Variants in RGS7 observed in about 807,000 individuals in gnomAD.
RGS7 encodes regulator of G-protein signaling 7.
Under a neutral mutation model 81.1 loss-of-function variants are expected in RGS7, and 27 were observed. The ratio of observed to expected loss-of-function variants is 0.33; its 90% CI spans 0.25 to 0.46. The LOEUF (loss-of-function observed/expected upper bound fraction) is 0.46. RGS7 is among the 20% of genes least tolerant of loss of function. RGS7 has a pLI of 1.00. For missense variants in RGS7, 396 were observed against 607.4 expected (o/e 0.65, Z 3.66); for synonymous variants, 208 against 207.7 (o/e 1.00, Z -0.01).
chr1:241,171,509 G>A (rs1051025045), intron 2 of RGS7, among the ~76,000 whole-genome samples: 9 of 152,064 alleles, frequency 5.9e-5, no homozygotes, highest in East Asian at 1.9e-4. Flanking sequence ...TATGACCCAC[G>A]TTTCATAAAA....
intron 6 of RGS7, among the ~76,000 whole-genome samples, chr1:240,872,941 T>G (rs1283312531): frequency 6.6e-6 from 1 of 152,004 alleles, no homozygotes; most frequent in Non-Finnish European, 1.5e-5. Context: ...TAGCCAAGCA[T>G]GGTGGCAGGC....
chr1:240,798,206 T>C (rs1687394372), intron 18 of RGS7, among the ~76,000 whole-genome samples: 1 of 152,160 alleles, frequency 6.6e-6, no homozygotes, highest in Non-Finnish European at 1.5e-5. Flanking sequence ...GAGTCTATAT[T>C]TTTTGGAAAA....
intron 3 of RGS7, among the ~76,000 whole-genome samples, chr1:241,032,425 G>A (rs192897859): frequency 2.3e-4 from 35 of 152,228 alleles, no homozygotes; most frequent in Admixed American, 1.3e-3. Flanking sequence ...CTCCAGCTTT[G>A]TTCTTTTTGC....
At chr1:241,065,171 AATG>A (rs1028472770) in intron 3 of RGS7, among the ~76,000 whole-genome samples, 5 of 149,210 alleles carry the variant, frequency 3.4e-5, no homozygotes, top group East Asian at 1.9e-4. Context: ...AGCAAAAAAT[AATG>A]ATAAGATAAT....
intron 6 of RGS7, among the ~76,000 whole-genome samples, chr1:240,882,700 G>T (rs1229722517): frequency 6.6e-6 from 1 of 151,992 alleles, no homozygotes; most frequent in Non-Finnish European, 1.5e-5. Flanking sequence ...ATTTTTCTTG[G>T]GGTCCATTTT....
chr1:241,248,411 T>C (rs376946043), intron 2 of RGS7, among the ~76,000 whole-genome samples: 29 of 148,194 alleles, frequency 2.0e-4, no homozygotes, highest in African/African-American at 5.2e-4. Context: ...TATATATATA[T>C]ACATATATAT....
At chr1:241,334,146 T>C (rs1017522157) in intron 2 of RGS7, among the ~76,000 whole-genome samples, 4 of 152,110 alleles carry the variant, frequency 2.6e-5, no homozygotes, top group Non-Finnish European at 5.9e-5. Flanking sequence ...ATATTAAAAC[T>C]CTACCTAGGA....
intron 2 of RGS7, among the ~76,000 whole-genome samples, chr1:241,254,169 A>T (rs972757953): frequency 6.7e-6 from 1 of 149,692 alleles, no homozygotes; most frequent in South Asian, 2.1e-4. Context: ...CACTGCACCC[A>T]GCCTGGGCAA....
At chr1:240,847,884 T>A (rs1659384034) in intron 9 of RGS7, among the ~76,000 whole-genome samples, 1 of 152,176 alleles carries the variant, frequency 6.6e-6, no homozygotes, top group African/African-American at 2.4e-5. Flanking sequence ...AAGTAGGGTT[T>A]ATTTATTCTG....
chr1:241,147,099 TTTTAATAA>T (rs1305819945), intron 2 of RGS7, among the ~76,000 whole-genome samples: 8 of 152,164 alleles, frequency 5.3e-5, no homozygotes, highest in African/African-American at 4.8e-5. Flanking sequence ...TCCCTGGTGT[TTTTAATAA>T]TCACCTCCAG....
intron 2 of RGS7, among the ~76,000 whole-genome samples, chr1:241,190,164 A>G (rs187493397): frequency 1.3e-5 from 2 of 152,258 alleles, no homozygotes; most frequent in East Asian, 3.9e-4. Flanking sequence ...ATTGTGTTCC[A>G]AACTATCTAT....
chr1:240,844,422 A>G (rs1309305322), intron 9 of RGS7, among the ~76,000 whole-genome samples: 1 of 152,190 alleles, frequency 6.6e-6, no homozygotes, highest in Admixed American at 6.5e-5. Flanking sequence ...CCCAACCCCT[A>G]TCCACATCCT....
chr1:241,068,074 C>G (rs115773049), intron 3 of RGS7, among the ~76,000 whole-genome samples: 3,628 of 150,806 alleles, frequency 0.024, 135 homozygotes, highest in African/African-American at 0.071. Flanking sequence ...GCGACTGAAA[C>G]ACATGAGTTT....
At position 241,349,625 on chromosome 1, in the gene RGS7, A is replaced by G. The variant is rs545245595; in HGVS notation, c.78+6074T>C. On this transcript the variant is annotated intron_variant, in intron 2 of 18. Coordinates refer to ENST00000440928, the MANE Select transcript of RGS7 (RefSeq NM_001364886.1). ...TGGCTGTGGGCAAATGGCAGAAAGA[A>G]GTGGGCCTTTGTTTCCTACGGAACT... Among the ~76,000 whole-genome samples the G allele has an allele frequency of 5.1e-4, 77 of 152,334 alleles. 3 individuals carry two copies. The South Asian group carries it at 0.016, about 31-fold the overall frequency.
rs142192290 is a variant in RGS7, at chr1:241,169,653, G to A, written c.79-70891C>T. On this transcript the variant is annotated intron_variant, in intron 2 of 18. Transcript: ENST00000440928. Reference sequence around the variant, plus strand: ...CCACCCGCACCTGGCCTGTATATGTGTTTCTTTAGGCTATAATTGAAAACA... The same window carrying A: ...CCACCCGCACCTGGCCTGTATATGTATTTCTTTAGGCTATAATTGAAAACA... Among the ~76,000 whole-genome samples, 95 of 152,080 alleles carry A rather than the reference G, an allele frequency of 6.2e-4. 1 individual carries two copies. The East Asian group carries it at 0.015, about 23-fold the overall frequency.
chr1:241,101,758 C>G (rs1331259757), intron 2 of RGS7, among the ~76,000 whole-genome samples: 1 of 152,190 alleles, frequency 6.6e-6, no homozygotes, highest in Non-Finnish European at 1.5e-5. Context: ...ATATCAGCCT[C>G]TAAACCCTTG....
intron 6 of RGS7, among the ~76,000 whole-genome samples, chr1:240,915,294 A>G (rs995906290): frequency 6.6e-6 from 1 of 151,962 alleles, no homozygotes; most frequent in South Asian, 2.1e-4. Flanking sequence ...GCACCTAAAG[A>G]GGAAAAACCC....
intron 6 of RGS7, among the ~76,000 whole-genome samples, chr1:240,893,754 T>C (rs541036515): frequency 3.9e-5 from 6 of 152,228 alleles, no homozygotes; most frequent in Non-Finnish European, 5.9e-5. Flanking sequence ...TTCCTTGAAA[T>C]TTTTAATTAT....
chr1:241,181,723 G>A (rs746743442), intron 2 of RGS7, among the ~76,000 whole-genome samples: 2 of 152,146 alleles, frequency 1.3e-5, no homozygotes, highest in Non-Finnish European at 2.9e-5. Context: ...TTTAGACACT[G>A]GGTCTGGCTC....
Sources: allele counts gnomAD v4.1 joint callset (sites outside exome capture counted in the v4.1 genomes callset), GRCh38; gene constraint gnomAD v4.1.1; transcripts MANE v1.5; gene names NCBI Gene and HGNC (gene_info 2026-07-23, HGNC 2026-07-21).